Variants in LYST observed in about 807,000 individuals in gnomAD.
LYST encodes lysosomal-trafficking regulator.
A neutral mutation model predicts 413.6 loss-of-function variants in LYST; 192 were observed. The ratio of observed to expected loss-of-function variants is 0.46; its 90% confidence interval spans 0.41 to 0.52. The LOEUF (loss-of-function observed/expected upper bound fraction) is 0.52. Among genes scored for constraint, LYST ranks in the 20% least tolerant of loss-of-function variants. The pLI, the probability that LYST is intolerant of heterozygous loss-of-function variation, is 0.00. For synonymous variants in LYST, 1,525 were observed against 1,567.3 expected, an observed-to-expected ratio of 0.97 and a Z score of 0.64; for missense variants, 3,815 against 4,499.9, an observed-to-expected ratio of 0.85 and a Z score of 4.35.
At chr1:235,746,588 T>C in intron 28 of LYST, 61 bp from the exon 29 acceptor site, 2 of 1,335,496 alleles carry the variant, frequency 1.5e-6, no homozygotes, top group Admixed American at 1.9e-5. Flanking sequence ...AAGGAAACTA[T>C]TTTTGCTGAA....
Position 235,681,981 on chromosome 1 carries a change from T to G in LYST, c.10801-4362A>C, listed in dbSNP as rs530864647. 5.5e-4 allele frequency among the ~76,000 whole-genome samples: 83 copies of G among 152,238 alleles called. 1 individual carries two copies. The highest frequency in any genetic ancestry group is 1.0e-3 in the Non-Finnish European group (71 of 68,016). Reference sequence around the variant, plus strand: ...TTAACTGTGTGTTTCAGTAGTCTCATGTAAAAATGGAGATAATGACAAAAC... The same window carrying G: ...TTAACTGTGTGTTTCAGTAGTCTCAGGTAAAAATGGAGATAATGACAAAAC... On this transcript the variant is annotated intron_variant, in intron 48 of 52. Transcript: ENST00000389793.
intron 8 of LYST, among the ~76,000 whole-genome samples, chr1:235,802,602 C>G (rs75468096): frequency 6.6e-6 from 1 of 152,170 alleles, no homozygotes; most frequent in East Asian, 1.9e-4. Context: ...CCCAGTTTAT[C>G]GATTTCTATT....
intron 29 of LYST, among the ~76,000 whole-genome samples, chr1:235,744,767 G>A (rs1353863126): frequency 6.6e-6 from 1 of 151,926 alleles, no homozygotes; most frequent in African/African-American, 2.4e-5. Context: ...CGGGCATGGG[G>A]TGCACACCTG....
At position 235,810,244 on chromosome 1, in the gene LYST, A is replaced by C. The variant is rs7524261; in HGVS notation, c.574T>G (p.Leu192Val). The C allele has an allele frequency of 7.7e-3, 12,380 of 1,614,080 alleles. 806 individuals carry two copies. In the African/African-American group the frequency reaches 0.14, roughly 18 times the overall value. The change falls in exon 5 of 53, where the codon TTA becomes GTA. Residue 192 changes from leucine to valine, a missense_variant. Coordinates refer to ENST00000389793, the MANE Select transcript of LYST (RefSeq NM_000081.4). ...HRRPHLLHHF[L>V]TSFPKQDHPK... ...TGGTCTTGTTTAGGAAACGATGTTAAAAAATGATGCAGCAGATGGGGCCTT... is the reference window on the plus strand; with the variant it reads ...TGGTCTTGTTTAGGAAACGATGTTACAAAATGATGCAGCAGATGGGGCCTT...
chr1:235,737,964 C>CATGA, intron 31 of LYST: 1 of 1,353,178 alleles, frequency 7.4e-7, no homozygotes, highest in Non-Finnish European at 9.6e-7. Context: ...GACGTGCATT[C>CATGA]TCGATTCCTT....
intron 11 of LYST, 126 bp downstream of exon 11, chr1:235,793,377 T>G: frequency 1.8e-6 from 1 of 560,102 alleles, no homozygotes; most frequent in Middle Eastern, 4.8e-4. Flanking sequence ...TGAAATTGCC[T>G]ATACCAACTG....
intron 5 of LYST, among the ~76,000 whole-genome samples, chr1:235,807,302 T>C (rs998143977): frequency 6.6e-6 from 1 of 152,248 alleles, no homozygotes; most frequent in Admixed American, 6.5e-5. Context: ...ATTGGGCTAA[T>C]TGAACAGTCA....
intron 50 of LYST, among the ~76,000 whole-genome samples, chr1:235,675,443 T>C (rs1192581578): frequency 6.6e-6 from 1 of 152,216 alleles, no homozygotes. Flanking sequence ...TATCTCCTTT[T>C]TTCGGTGTGC....
At chr1:235,737,916 A>ATGATATTC in intron 31 of LYST, 7 of 1,163,406 alleles carry the variant, frequency 6.0e-6, no homozygotes, top group South Asian at 3.9e-5. Flanking sequence ...GCTGCCGACG[A>ATGATATTC]GTCTGGATCT....
At chr1:235,688,348 G>A (rs940117020) in intron 47 of LYST, among the ~76,000 whole-genome samples, 12 of 152,122 alleles carry the variant, frequency 7.9e-5, no homozygotes, top group African/African-American at 2.9e-4. Flanking sequence ...AACAAGCAAG[G>A]AAATGGGAGA....
intron 1 of LYST, among the ~76,000 whole-genome samples, chr1:235,860,533 T>C (rs1679743420): frequency 1.3e-5 from 2 of 152,234 alleles, no homozygotes. Context: ...CTAATCTTTT[T>C]ACTGTCTCCA....
intron 1 of LYST, chr1:235,852,956 T>TTCTAC (rs974006226): frequency 5.9e-6 from 1 of 170,418 alleles, no homozygotes; most frequent in African/African-American, 2.4e-5. Flanking sequence ...TCTTTCAGAA[T>TTCTAC]TCTACCTTTC....
chr1:235,781,509 C>T (rs979505629), intron 15 of LYST, among the ~76,000 whole-genome samples: 5 of 151,832 alleles, frequency 3.3e-5, no homozygotes, highest in African/African-American at 1.2e-4. Context: ...TCATATATTT[C>T]ATTTTTCCCT....
At chr1:235,738,468 C>T in intron 31 of LYST, 1 of 1,612,538 alleles carries the variant, frequency 6.2e-7, no homozygotes, top group Non-Finnish European at 8.5e-7. Context: ...TCCCAAAAAC[C>T]ATGTTATTGG....
chr1:235,715,502 G>A (rs1176767665), intron 41 of LYST, 145 bp from the exon 42 acceptor site: 2 of 742,774 alleles, frequency 2.7e-6, no homozygotes, highest in African/African-American at 1.7e-5. Context: ...TTACCCAGGA[G>A]ACTTCAGCCT....
chr1:235,783,172 G>A (rs1452014342), intron 14 of LYST, among the ~76,000 whole-genome samples: 1 of 152,050 alleles, frequency 6.6e-6, no homozygotes, highest in Non-Finnish European at 1.5e-5. Flanking sequence ...AAGCTAACAC[G>A]GGTAGCTCTT....
At chr1:235,676,295 A>G (rs1435851250) in intron 50 of LYST, among the ~76,000 whole-genome samples, 3 of 152,136 alleles carry the variant, frequency 2.0e-5, no homozygotes, top group African/African-American at 7.2e-5. Flanking sequence ...TGTTAAATAA[A>G]ATTTACGGGA....
chr1:235,773,918 T>A lies in LYST; in HGVS notation c.5708A>T (p.Asp1903Val). 1 of 1,604,178 alleles carries A rather than the reference T, an allele frequency of 6.2e-7. No homozygotes were observed. Among genetic ancestry groups the A allele is most frequent in the Non-Finnish European group, 8.5e-7 (1 of 1,171,124 alleles). Reference sequence around the variant, plus strand: ...AACATCTTGGATTATAGCATTAGAGTCTACATCCAACTTAAACTCTCCATT... The same window carrying A: ...AACATCTTGGATTATAGCATTAGAGACTACATCCAACTTAAACTCTCCATT... ...NENGEFKLDV[D>V]SNAIIQDVKL... The change falls in exon 19 of 53, where the codon GAC becomes GTC. Residue 1903 changes from aspartate (D) to valine (V), a missense_variant. Asp to Val is a radical substitution (Grantham distance 152). Around this residue, in one of 4 missense-constraint regions of LYST, gnomAD observed 530 missense variants for 696.5 expected, o/e 0.76. Coordinates refer to ENST00000389793, the MANE Select transcript of LYST (RefSeq NM_000081.4).
At chr1:235,801,415 A>ACCC (rs113560541) in intron 8 of LYST, among the ~76,000 whole-genome samples, 1 of 149,660 alleles carries the variant, frequency 6.7e-6, no homozygotes, top group African/African-American at 2.5e-5. Context: ...AAACTTTCTG[A>ACCC]CCCCCCCCTC....
Sources: gnomAD v4.1 joint callset for allele counts (sites outside exome capture counted in the v4.1 genomes callset) on GRCh38, gnomAD v4.1.1 for gene constraint, gnomAD v4.1.1 regional missense constraint, MANE v1.5 for transcripts, NCBI Gene and HGNC (gene_info 2026-07-23, HGNC 2026-07-21) for gene names.